The following CACNA1A variants were observed in gnomAD, a reference collection of about 807,000 sequenced individuals.
CACNA1A encodes calcium voltage-gated channel subunit alpha1 A.
CACNA1A carries 57 observed loss-of-function variants against 262.4 expected under a neutral mutation model. The observed-to-expected ratio is 0.22, with a 90% CI of 0.18 to 0.27. CACNA1A has a LOEUF of 0.27. Ranked by LOEUF, CACNA1A falls within the 10% of genes least tolerant of loss-of-function variation. The probability of loss-of-function intolerance (pLI) is 1.00; values close to 1 mark genes in which losing one functional copy is unlikely to be tolerated. For synonymous variants in CACNA1A, 1,431 were observed against 1,419.3 expected (o/e 1.01, Z -0.18); for missense variants, 2,526 against 3,562.8 (o/e 0.71, Z 7.41).
At chr19:13,360,360 T>C in intron 5 of CACNA1A, among the ~76,000 whole-genome samples, 1 of 151,348 alleles carries the variant, frequency 6.6e-6, no homozygotes. Context: ...TAAAACAATA[T>C]AATGATTCAC....
chr19:13,445,764 A>G (rs1239066179), intron 3 of CACNA1A, among the ~76,000 whole-genome samples: 1 of 152,246 alleles, frequency 6.6e-6, no homozygotes, highest in African/African-American at 2.4e-5. Context: ...ACACAAATAC[A>G]ATAAAAACAT....
intron 3 of CACNA1A, among the ~76,000 whole-genome samples, chr19:13,415,060 G>A (rs1254074874): frequency 1.3e-5 from 2 of 152,112 alleles, no homozygotes; most frequent in Admixed American, 6.6e-5. Context: ...TTCCCAAAGC[G>A]ATTTTGGGGA....
Position 13,506,329 on chromosome 19 carries a change from G to A in CACNA1A, c.-105C>T, listed in dbSNP as rs1983042350. ...TGCTGAGGCTGCCGGGGCTGGGAGC[G>A]CGGCGGCTGGAGCTACGACTGCGGA... On this transcript the variant is annotated 5_prime_UTR_variant, in exon 1 of 47. Coordinates refer to ENST00000360228, the MANE Select transcript of CACNA1A (RefSeq NM_001127222.2). The A allele has an allele frequency of 9.1e-7, 1 of 1,103,470 alleles. No homozygotes were observed. Among genetic ancestry groups the A allele is most frequent in the Non-Finnish European group, 1.2e-6 (1 of 831,996 alleles). 68.4% of individuals were successfully genotyped at this position (1,103,470 alleles called of 1,614,324 possible). A position where few individuals can be genotyped will look rare whatever the true frequency, so the allele number is the denominator to read the frequency against.
intron 1 of CACNA1A, among the ~76,000 whole-genome samples, chr19:13,494,452 T>C (rs1303304961): frequency 1.3e-5 from 2 of 151,764 alleles, no homozygotes; most frequent in Non-Finnish European, 2.9e-5. Flanking sequence ...AGGAATGTCA[T>C]GTAATGCAAA....
chr19:13,376,875 T>G (rs933777364), intron 3 of CACNA1A, among the ~76,000 whole-genome samples: 1 of 142,420 alleles, frequency 7.0e-6, no homozygotes. Flanking sequence ...GTGATATATA[T>G]AACACATGAT....
chr19:13,275,006 C>G (rs2057111726), intron 24 of CACNA1A: 1 of 152,064 alleles, frequency 6.6e-6, no homozygotes, highest in Non-Finnish European at 1.5e-5. Flanking sequence ...GGAATGGTTG[C>G]CCAGAACTTG....
intron 1 of CACNA1A, among the ~76,000 whole-genome samples, chr19:13,485,865 G>A (rs904667352): frequency 3.3e-5 from 5 of 152,154 alleles, no homozygotes; most frequent in East Asian, 1.9e-4. Context: ...CACACAGAGC[G>A]ATGTGCTCCA....
rs564490351 is a variant in CACNA1A, at chr19:13,304,421, G to T, written c.1987-537C>A. ...AGGTGGGAGGATCACTTGAGCCCAGGAGTTCAAGATTAGCCTGGGCAATAT... is the reference window on the plus strand; with the variant it reads ...AGGTGGGAGGATCACTTGAGCCCAGTAGTTCAAGATTAGCCTGGGCAATAT... On this transcript the variant is annotated intron_variant, in intron 15 of 46. Transcript: ENST00000360228. 9.2e-5 allele frequency among the ~76,000 whole-genome samples: 14 copies of T among 151,974 alleles called. No homozygotes were observed. The East Asian group carries it at 2.7e-3, about 30-fold the overall frequency.
chr19:13,442,304 T>C (rs1306132265), intron 3 of CACNA1A, among the ~76,000 whole-genome samples: 1 of 152,182 alleles, frequency 6.6e-6, no homozygotes, highest in Non-Finnish European at 1.5e-5. Flanking sequence ...CTGTATAACA[T>C]ATTTCAGTGT....
intron 6 of CACNA1A, among the ~76,000 whole-genome samples, chr19:13,357,259 T>A (rs765382438): frequency 7.2e-5 from 11 of 152,156 alleles, no homozygotes; most frequent in Non-Finnish European, 1.2e-4. Context: ...AGTGATGACC[T>A]TGAGCAGCAG....
intron 31 of CACNA1A, among the ~76,000 whole-genome samples, chr19:13,242,911 G>A (rs147432588): frequency 4.5e-4 from 68 of 152,266 alleles, no homozygotes; most frequent in Non-Finnish European, 6.8e-4. Flanking sequence ...GCTACTGCAA[G>A]GGTCCTGATG....
intron 1 of CACNA1A, among the ~76,000 whole-genome samples, chr19:13,500,381 A>AC (rs1982234661): frequency 6.6e-6 from 1 of 152,298 alleles, no homozygotes; most frequent in South Asian, 2.1e-4. Flanking sequence ...GTGGAACCCC[A>AC]CCCAAGAGAA....
At position 13,214,634 on chromosome 19, in the gene CACNA1A, T is replaced by C; in HGVS notation, c.5732-26A>G. 1.3e-6 allele frequency: 2 copies of C among 1,558,984 alleles called. No individual in the cohort carries two copies. The highest frequency in any genetic ancestry group is 1.8e-6 in the Non-Finnish European group (2 of 1,132,938). ...CTGCAATGGGGGTGTAGACAGACCCTGACTGCCTGCCTGGGTGTCAGCTGG... is the reference window on the plus strand; with the variant it reads ...CTGCAATGGGGGTGTAGACAGACCCCGACTGCCTGCCTGGGTGTCAGCTGG... On this transcript the variant is annotated intron_variant, in intron 38 of 46. Transcript: ENST00000360228. This position sits in a 1 kb window ranked among gnomAD's most constrained non-coding sequence, Gnocchi z 4.1.
rs2054913093 is a variant in CACNA1A, at chr19:13,214,127, G to A, written c.5940+106C>T. ...GCTGTGCACAGCCCCTACTTTTCAG[G>A]GACCTGCCCTGGGGCTCAGCCACCC... is the stretch of plus-strand genomic sequence containing the variant. On this transcript the variant is annotated intron_variant, in intron 40 of 46. Coordinates refer to ENST00000360228, the MANE Select transcript of CACNA1A (RefSeq NM_001127222.2). This position sits in a 1 kb window ranked among gnomAD's most constrained non-coding sequence, Gnocchi z 4.1. The A allele has an allele frequency of 3.5e-6, 3 of 868,064 alleles. No homozygotes were observed. The highest frequency in any genetic ancestry group is 3.1e-5 in the South Asian group (2 of 64,648). 53.8% of individuals were successfully genotyped at this position (868,064 alleles called of 1,614,324 possible).
intron 40 of CACNA1A, chr19:13,213,602 TA>T (rs202185543): frequency 0.011 from 1,716 of 150,484 alleles, 10 homozygotes; most frequent in Non-Finnish European, 0.016. Flanking sequence ...CTGCACACAG[TA>T]ATACTCAATA....
chr19:13,396,642 C>T (rs2059816664), intron 3 of CACNA1A, among the ~76,000 whole-genome samples: 1 of 152,072 alleles, frequency 6.6e-6, no homozygotes, highest in Non-Finnish European at 1.5e-5. Flanking sequence ...AGTGGCTATC[C>T]TGCTGTACCA....
chr19:13,326,917 A>G lies in CACNA1A; in HGVS notation c.1345+3327T>C, dbSNP rs543389648. On this transcript the variant is annotated intron_variant, in intron 10 of 46. Coordinates refer to ENST00000360228, the MANE Select transcript of CACNA1A (RefSeq NM_001127222.2). ...TTACTTTTTTTTGTTTTTTTTTTTG[A>G]GATGAAGTCTCTGTCACGCAGGCTG... Among the ~76,000 whole-genome samples, 9 of 143,230 alleles carry G rather than the reference A, an allele frequency of 6.3e-5. No individual in the cohort carries two copies. In the East Asian group the frequency reaches 1.5e-3, roughly 23 times the overall value. 94.0% of individuals were successfully genotyped at this position (143,230 alleles called of 152,430 possible).
chr19:13,490,699 AAGAAAGAAAGAAAGAAAG>A (rs1980686923), intron 1 of CACNA1A, among the ~76,000 whole-genome samples: 1 of 17,118 alleles, frequency 5.8e-5, no homozygotes. Context: ...AAAGGAAAGA[AAGAAAGAAAGAAAGAAAG>A]AAAGAAAGAA....
intron 6 of CACNA1A, among the ~76,000 whole-genome samples, chr19:13,356,215 C>A (rs1469684598): frequency 1.3e-5 from 2 of 152,196 alleles, no homozygotes; most frequent in African/African-American, 4.8e-5. Context: ...GAACACCATG[C>A]AGGGTGGGGA....
Sources: gnomAD v4.1 joint callset for allele counts (sites outside exome capture counted in the v4.1 genomes callset) on GRCh38, gnomAD v4.1.1 for gene constraint, Gnocchi (gnomAD v3.1) non-coding constraint, MANE v1.5 for transcripts, NCBI Gene and HGNC (gene_info 2026-07-23, HGNC 2026-07-21) for gene names.